Variants in EFHD1 observed in about 807,000 individuals in gnomAD.
EFHD1 encodes EF-hand domain family member D1.
A neutral mutation model predicts 17.2 loss-of-function variants in EFHD1; 10 were observed. That is an observed-to-expected ratio of 0.58 (90% CI 0.36 to 0.99). The LOEUF is 0.99. EFHD1 is among the 50% of genes least tolerant of loss of function. The pLI is 0.01. For synonymous variants in EFHD1, 153 were observed against 142.0 expected (o/e 1.08, Z -0.55); for missense variants, 310 against 327.5 (o/e 0.95, Z 0.41).
At chr2:232,632,186 G>A (rs1214826987), upstream of EFHD1, among the ~76,000 whole-genome samples, 3 of 152,166 alleles carry the variant, frequency 2.0e-5, no homozygotes, top group African/African-American at 7.2e-5. Flanking sequence ...TTGCAGGGTT[G>A]CCATTGTATA....
chr2:232,672,592 G>C (rs568741558), intron 3 of EFHD1, 149 bp downstream of exon 3: 4 of 1,106,000 alleles, frequency 3.6e-6, no homozygotes, highest in Non-Finnish European at 5.1e-6. Context: ...CAGCAAGTGG[G>C]TGCCAGTCCA....
chr2:232,659,919 G>C (rs139625288), intron 1 of EFHD1, among the ~76,000 whole-genome samples: 2 of 152,096 alleles, frequency 1.3e-5, no homozygotes, highest in African/African-American at 4.8e-5. Flanking sequence ...CAGAGCAAGC[G>C]GGGAAGTGCT....
At chr2:232,650,011 C>G (rs1171771730) in intron 1 of EFHD1, 1 of 152,296 alleles carries the variant, frequency 6.6e-6, no homozygotes, top group African/African-American at 2.4e-5. Context: ...GGGGGGATCA[C>G]CAGGCTGCCT....
rs1366097087 is a variant in EFHD1 at position 232,672,588 on chromosome 2, G to A, written c.585+145G>A. ...CTCCCAGTGCTCTGCCAACCAGCAA[G>A]TGGGTGCCAGTCCACCTGAGTTCAG... On this transcript the variant is annotated intron_variant, in intron 3 of 3. Coordinates refer to ENST00000264059, the MANE Select transcript of EFHD1 (RefSeq NM_025202.4). 5.3e-6 allele frequency: 6 copies of A among 1,127,728 alleles called. No individual in the cohort carries two copies. The East Asian group carries it at 7.4e-5, about 14-fold the overall frequency. The allele number at this position is 1,127,728 out of a possible 1,614,324, so 69.9% of individuals were successfully genotyped here. A position where few individuals can be genotyped will look rare whatever the true frequency, so the allele number is the denominator to read the frequency against.
chr2:232,630,252 G>A (rs1391941470), upstream of EFHD1, among the ~76,000 whole-genome samples: 2 of 152,168 alleles, frequency 1.3e-5, no homozygotes, highest in East Asian at 1.9e-4. Flanking sequence ...AGCCGGCCCA[G>A]CAAGCATGTT....
At chr2:232,613,975 TACAC>T (rs919043507) in intron 1 of EFHD1, among the ~76,000 whole-genome samples, 1 of 150,802 alleles carries the variant, frequency 6.6e-6, no homozygotes, top group South Asian at 2.1e-4. Flanking sequence ...CACACGTGAA[TACAC>T]ACACACATAC....
At chr2:232,647,036 C>T (rs1382341247) in intron 1 of EFHD1, among the ~76,000 whole-genome samples, 1 of 152,260 alleles carries the variant, frequency 6.6e-6, no homozygotes, top group Non-Finnish European at 1.5e-5. Flanking sequence ...CGGTTCCCTC[C>T]AGCAGAGCCA....
chr2:232,667,784 C>T (rs1481620686), intron 2 of EFHD1, among the ~76,000 whole-genome samples: 1 of 152,114 alleles, frequency 6.6e-6, no homozygotes, highest in East Asian at 1.9e-4. Flanking sequence ...TCTCAAACTC[C>T]TGACCTCAGG....
chr2:232,661,114 C>T (rs778085670), intron 1 of EFHD1, among the ~76,000 whole-genome samples: 1 of 151,724 alleles, frequency 6.6e-6, no homozygotes, highest in Admixed American at 6.6e-5. Flanking sequence ...TGCAGCTTCA[C>T]TCCAGCCTGA....
At chr2:232,631,436 T>C (rs1043204494), upstream of EFHD1, among the ~76,000 whole-genome samples, 3 of 151,784 alleles carry the variant, frequency 2.0e-5, no homozygotes, top group African/African-American at 7.3e-5. Context: ...AGGTGCATAC[T>C]ACCACACCTG....
intron 1 of EFHD1, among the ~76,000 whole-genome samples, chr2:232,627,174 T>G (rs1694122809): frequency 6.7e-6 from 1 of 148,248 alleles, no homozygotes; most frequent in Non-Finnish European, 1.5e-5. Context: ...GAGGCTGCAG[T>G]GAGCTATGAT....
At chr2:232,624,184 TTTG>T (rs1181544355) in intron 1 of EFHD1, among the ~76,000 whole-genome samples, 1 of 152,210 alleles carries the variant, frequency 6.6e-6, no homozygotes, top group Admixed American at 6.5e-5. Flanking sequence ...TTTGGAATCC[TTTG>T]TTGTTCTCTT....
chr2:232,654,416 C>CTTTTTTTTTTTTTTTTTT (rs539954632), intron 1 of EFHD1, among the ~76,000 whole-genome samples: 9 of 94,608 alleles, frequency 9.5e-5, no homozygotes, highest in East Asian at 2.7e-4. Flanking sequence ...TTCTTTCTTT[C>CTTTTTTTTTTTTTTTTTT]TTTTTTTTTT....
intron 1 of EFHD1, among the ~76,000 whole-genome samples, chr2:232,643,691 G>C (rs1694473886): frequency 6.8e-6 from 1 of 147,098 alleles, no homozygotes; most frequent in South Asian, 2.2e-4. Flanking sequence ...GTTTGTTTTT[G>C]TTGTTGTTGT....
chr2:232,620,261 A>G (rs113460456), intron 1 of EFHD1, among the ~76,000 whole-genome samples: 102,539 of 150,404 alleles, frequency 0.68, 35,211 homozygotes, highest in East Asian at 0.84. Context: ...GGTGGCAGGC[A>G]CCTGTAGTCC....
At chr2:232,655,326 G>T (rs1386836406) in intron 1 of EFHD1, among the ~76,000 whole-genome samples, 4 of 152,134 alleles carry the variant, frequency 2.6e-5, no homozygotes, top group African/African-American at 7.2e-5. Context: ...GCCCTTAGTG[G>T]TCATTTAACT....
chr2:232,633,837 C>T lies in EFHD1; in HGVS notation c.133C>T (p.Arg45Cys). 2 of 1,485,322 alleles carry T rather than the reference C, an allele frequency of 1.3e-6. No individual in the cohort carries two copies. Among genetic ancestry groups the T allele is most frequent in the Non-Finnish European group, 1.8e-6 (2 of 1,126,978 alleles). 92.0% of individuals were successfully genotyped at this position (1,485,322 alleles called of 1,614,324 possible). ...CAAGCCCGAGCCCGAGCCTCCCGCC[C>T]GTGCGCCCACGGCCAGCGCCGACGC... ...EPKPEPEPPARAPTASADAEL... is the reference protein window; with the variant it reads ...EPKPEPEPPACAPTASADAEL... Residue 45 changes from arginine to cysteine, a missense_variant, in exon 1 of 4, where the codon CGT becomes TGT. Arg to Cys is a radical substitution (Grantham distance 180). Coordinates refer to ENST00000264059, the MANE Select transcript of EFHD1 (RefSeq NM_025202.4).
In EFHD1 at chr2:232,648,947, G is replaced by A. The variant is rs562453531; in HGVS notation, c.303-13855G>A. 5.1e-3 allele frequency among the ~76,000 whole-genome samples: 780 copies of A among 152,258 alleles called. 9 individuals are homozygous for A. Among genetic ancestry groups the A allele is most frequent in the South Asian group, 0.017 (80 of 4,830 alleles). ...CCTCCCATCACTAAGGCGTGTTCTG[G>A]GGCACTGCTACCCTCCTGAGAACAC... On this transcript the variant is annotated intron_variant, in intron 1 of 3. Transcript: ENST00000264059.
At chr2:232,650,760 G>C (rs1694636890) in intron 1 of EFHD1, among the ~76,000 whole-genome samples, 1 of 151,176 alleles carries the variant, frequency 6.6e-6, no homozygotes, top group Non-Finnish European at 1.5e-5. Flanking sequence ...GTGGAGATGG[G>C]GTTTTACCAT....
Sources: gnomAD v4.1 joint callset for allele counts (sites outside exome capture counted in the v4.1 genomes callset) on GRCh38, gnomAD v4.1.1 for gene constraint, MANE v1.5 for transcripts, NCBI Gene and HGNC (gene_info 2026-07-23, HGNC 2026-07-21) for gene names.